GPHN: variants seen among roughly 807,000 people sequenced by gnomAD.
GPHN encodes the protein gephyrin.
GPHN carries 17 observed loss-of-function variants against 95.5 expected under a neutral mutation model. The observed-to-expected ratio is 0.18, with a 90% CI of 0.12 to 0.27. The LOEUF is 0.27. GPHN is among the 10% of genes least tolerant of loss of function. GPHN has a pLI of 1.00. For synonymous variants in GPHN, 320 were observed against 322.5 expected, an observed-to-expected ratio of 0.99 and a Z score of 0.08; for missense variants, 660 against 978.1, an observed-to-expected ratio of 0.67 and a Z score of 4.34.
At chr14:67,620,823 C>A in the GPHN span, 1 of 1,521,092 alleles carries the variant, frequency 6.6e-7, no homozygotes, top group Non-Finnish European at 9.1e-7. Flanking sequence ...CTGCTGGGAA[C>A]TAAATGTACC....
chr14:66,571,538 G>A (rs1439010309), intron 1 of GPHN, among the ~76,000 whole-genome samples: 1 of 151,904 alleles, frequency 6.6e-6, no homozygotes, highest in Non-Finnish European at 1.5e-5. Context: ...TGTGCTTTTG[G>A]GGTCATATTC....
At chr14:67,575,955 C>T in the GPHN span, 1 of 1,613,952 alleles carries the variant, frequency 6.2e-7, no homozygotes, top group South Asian at 1.1e-5. Flanking sequence ...GGTGATCCAC[C>T]CCACAGAGCA....
chr14:67,494,865 G>A, the GPHN span, among the ~76,000 whole-genome samples: 1,760 of 152,246 alleles, frequency 0.012, 47 homozygotes, highest in African/African-American at 0.041. Flanking sequence ...TAATCCCAGC[G>A]CTTTGAGAGG....
At chr14:67,571,983 C>A in the GPHN span, 2 of 1,508,972 alleles carry the variant, frequency 1.3e-6, no homozygotes, top group South Asian at 1.2e-5. Flanking sequence ...ACATGGGCGT[C>A]CCCACTTGAT....
chr14:67,118,969 A>G (rs2078858137), intron 16 of GPHN, among the ~76,000 whole-genome samples: 1 of 152,136 alleles, frequency 6.6e-6, no homozygotes, highest in South Asian at 2.1e-4. Context: ...GATTTTTATG[A>G]GGGTATTTAT....
chr14:67,725,792 G>A, the GPHN span, among the ~76,000 whole-genome samples: 1 of 152,196 alleles, frequency 6.6e-6, no homozygotes, highest in Non-Finnish European at 1.5e-5. Context: ...GAAGATATGA[G>A]TAACTAAAAT....
intron 11 of GPHN, among the ~76,000 whole-genome samples, chr14:67,065,776 T>C (rs2076030285): frequency 6.9e-6 from 1 of 144,662 alleles, no homozygotes; most frequent in Non-Finnish European, 1.5e-5. Flanking sequence ...TTTTTTTTGC[T>C]TTCCATTTGA....
rs936793798 is a variant in GPHN at position 67,013,163 on chromosome 14, T to C, written c.964-10470T>C. ...TTTTTATTATTATTATTATTGTTAA[T>C]TTCTTTTTTCCACATATTTGTTCAA... On this transcript the variant is annotated intron_variant, in intron 9 of 22. Coordinates refer to ENST00000478722, the MANE Select transcript of GPHN (RefSeq NM_020806.5). 4.0e-4 allele frequency among the ~76,000 whole-genome samples: 61 copies of C among 152,106 alleles called. 1 individual carries two copies. The highest frequency in any genetic ancestry group is 1.6e-4 in the Non-Finnish European group (11 of 67,978).
chr14:67,686,026 A>C, the GPHN span: 2 of 152,186 alleles, frequency 1.3e-5, no homozygotes, highest in African/African-American at 4.8e-5. Context: ...CACAAACATT[A>C]AATGTTGGAG....
chr14:67,625,674 C>A, the GPHN span, among the ~76,000 whole-genome samples: 1 of 116,360 alleles, frequency 8.6e-6, no homozygotes. Flanking sequence ...GAGCAAAACT[C>A]CATCTCAAAA....
chr14:67,615,839 C>T, the GPHN span: 1 of 619,974 alleles, frequency 1.6e-6, no homozygotes, highest in Non-Finnish European at 3.0e-6. Context: ...ACATTCTGGC[C>T]TGTCCATTGG....
At chr14:66,749,311 T>C (rs1397649703) in intron 2 of GPHN, among the ~76,000 whole-genome samples, 1 of 152,014 alleles carries the variant, frequency 6.6e-6, no homozygotes, top group African/African-American at 2.4e-5. Context: ...AATATCCACA[T>C]ACAGGCTTTT....
chr14:66,760,564 GC>G, intron 2 of GPHN: 1 of 338,328 alleles, frequency 3.0e-6, no homozygotes. Context: ...TCTGTTCAGG[GC>G]CCATCTACCC....
chr14:66,687,008 T>C (rs969060550), intron 2 of GPHN, among the ~76,000 whole-genome samples: 2 of 152,194 alleles, frequency 1.3e-5, no homozygotes, highest in Non-Finnish European at 2.9e-5. Context: ...ATTGAGATGA[T>C]CATGTGGTTT....
chr14:67,579,740 C>T, the GPHN span: 1 of 1,612,908 alleles, frequency 6.2e-7, no homozygotes, highest in Non-Finnish European at 8.5e-7. Context: ...TTTGACGGCT[C>T]TTCCACGGTT....
chr14:67,639,340 A>G, the GPHN span, among the ~76,000 whole-genome samples: 12 of 152,116 alleles, frequency 7.9e-5, no homozygotes, highest in East Asian at 1.9e-4. Context: ...TCTTGGTCCT[A>G]TGAGGATTGA....
At chr14:67,114,076 A>G (rs2039055) in intron 16 of GPHN, among the ~76,000 whole-genome samples, 4 of 151,976 alleles carry the variant, frequency 2.6e-5, no homozygotes, top group Non-Finnish European at 5.9e-5. Context: ...TTTTTATGAC[A>G]TTATAGTCCT....
At chr14:67,608,986 C>T in the GPHN span, among the ~76,000 whole-genome samples, 5 of 152,320 alleles carry the variant, frequency 3.3e-5, no homozygotes, top group Non-Finnish European at 5.9e-5. Context: ...CTGGAAGTCA[C>T]GTCAGATCCT....
the GPHN span, among the ~76,000 whole-genome samples, chr14:67,476,556 C>G: frequency 6.6e-6 from 1 of 152,066 alleles, no homozygotes; most frequent in Admixed American, 6.5e-5. Flanking sequence ...CACTGCACTC[C>G]AGCCTGGGCA....
Sources: gnomAD v4.1 joint callset for allele counts (sites outside exome capture counted in the v4.1 genomes callset) on GRCh38, gnomAD v4.1.1 for gene constraint, MANE v1.5 for transcripts, NCBI Gene and HGNC (gene_info 2026-07-23, HGNC 2026-07-21) for gene names.